Variants in KATNAL1 observed in about 807,000 individuals in gnomAD.
KATNAL1 encodes the protein katanin catalytic subunit A1 like 1.
In KATNAL1, 32 loss-of-function variants were observed where a neutral mutation model predicts 55.2. That is an observed-to-expected ratio of 0.58 (90% CI 0.44 to 0.78). The LOEUF (loss-of-function observed/expected upper bound fraction) is 0.78, where lower values mean the gene tolerates loss of function less well. Among genes scored for constraint, KATNAL1 ranks in the 30% least tolerant of loss-of-function variants. KATNAL1 has a pLI of 0.00. For synonymous variants in KATNAL1, 193 were observed against 193.6 expected, an observed-to-expected ratio of 1.00 and a Z score of 0.02; for missense variants, 466 against 600.9, an observed-to-expected ratio of 0.78 and a Z score of 2.35.
At chr13:30,249,621 G>A (rs1176104853) in intron 4 of KATNAL1, among the ~76,000 whole-genome samples, 3 of 152,036 alleles carry the variant, frequency 2.0e-5, no homozygotes, top group African/African-American at 7.3e-5. Flanking sequence ...AACAAAAAAA[G>A]CTGGACACAA....
intron 8 of KATNAL1, 101 bp from the exon 9 acceptor site, chr13:30,227,647 A>G (rs1875642738): frequency 2.3e-6 from 3 of 1,311,420 alleles, no homozygotes; most frequent in Non-Finnish European, 2.1e-6. Context: ...AATCAACGAT[A>G]AAGAAAGTGC....
chr13:30,265,770 G>T (rs930462690), intron 3 of KATNAL1, among the ~76,000 whole-genome samples: 2 of 150,630 alleles, frequency 1.3e-5, no homozygotes, highest in Non-Finnish European at 3.0e-5. Flanking sequence ...CAGCACTTTG[G>T]GAGGCTGAGG....
chr13:30,286,936 T>G (rs1881826744), intron 1 of KATNAL1, among the ~76,000 whole-genome samples: 1 of 152,208 alleles, frequency 6.6e-6, no homozygotes, highest in Admixed American at 6.5e-5. Flanking sequence ...CCGATTGGAT[T>G]TCAGAACTGC....
At chr13:30,210,490 AAT>A in intron 9 of KATNAL1, 48 bp from the exon 10 acceptor site, 1 of 1,551,696 alleles carries the variant, frequency 6.4e-7, no homozygotes, top group South Asian at 1.2e-5. Flanking sequence ...CTTTACAAAT[AAT>A]TTTGCTGAGA....
At chr13:30,213,723 A>G (rs1873924840) in intron 9 of KATNAL1, among the ~76,000 whole-genome samples, 1 of 152,032 alleles carries the variant, frequency 6.6e-6, no homozygotes, top group Non-Finnish European at 1.5e-5. Context: ...AAATTCAACA[A>G]CCCTTCATGC....
intron 6 of KATNAL1, among the ~76,000 whole-genome samples, chr13:30,235,035 T>C (rs1040314579): frequency 8.5e-5 from 13 of 152,180 alleles, no homozygotes; most frequent in Admixed American, 6.5e-4. Flanking sequence ...AGCCATGTGG[T>C]ATCAACTCAA....
chr13:30,267,849 C>T (rs940878209), intron 3 of KATNAL1, among the ~76,000 whole-genome samples: 2 of 152,202 alleles, frequency 1.3e-5, no homozygotes, highest in Non-Finnish European at 2.9e-5. Context: ...CTCAGACATC[C>T]GAGGGCTGGA....
chr13:30,210,739 A>G (rs1411928781), intron 9 of KATNAL1: 1 of 201,782 alleles, frequency 5.0e-6, no homozygotes, highest in Non-Finnish European at 9.8e-6. Context: ...AGAATCTGAG[A>G]TTCTTCATGA....
chr13:30,252,176 A>G (rs555846904), intron 4 of KATNAL1, among the ~76,000 whole-genome samples: 1 of 152,322 alleles, frequency 6.6e-6, no homozygotes, highest in East Asian at 1.9e-4. Context: ...CAATTTCTCT[A>G]CACATAAAAC....
At chr13:30,255,406 T>G (rs772297772) in intron 4 of KATNAL1, 41 bp downstream of exon 4, 1 of 1,404,598 alleles carries the variant, frequency 7.1e-7, no homozygotes, top group Non-Finnish European at 9.4e-7. Context: ...CCAAAAGTCC[T>G]GGGCTTCAAG....
rs1394200213 is a variant in KATNAL1 at position 30,283,662 on chromosome 13, T to C, written c.116A>G (p.His39Arg). Residue 39 changes from histidine to arginine, a missense_variant, in exon 2 of 11, where the codon CAT (histidine) becomes CGT (arginine). Physicochemically the swap from His to Arg is conservative, Grantham distance 29 (BLOSUM62 0). Around this residue, in one of 3 missense-constraint regions of KATNAL1, gnomAD observed 248 missense variants for 275.5 expected, o/e 0.90. Transcript: ENST00000380615. ...YQGVMQQIQR[H>R]CQSVRDPAIK... ...AGCTGGATCTCTGACTGACTGGCAA[T>C]GTCTCTGAATCTGCTGCATCACCCC... is the stretch of plus-strand genomic sequence containing the variant. 6.2e-7 allele frequency: 1 copy of C among 1,613,914 alleles called. No homozygotes were observed. Among genetic ancestry groups the C allele is most frequent in the Non-Finnish European group, 8.5e-7 (1 of 1,179,970 alleles).
chr13:30,291,170 A>G (rs536764415), intron 1 of KATNAL1, among the ~76,000 whole-genome samples: 15 of 152,388 alleles, frequency 9.8e-5, no homozygotes, highest in African/African-American at 2.9e-4. Flanking sequence ...TACAGAAAAC[A>G]TGATTGTCAG....
At chr13:30,279,616 A>G (rs1355422928) in intron 3 of KATNAL1, among the ~76,000 whole-genome samples, 1 of 152,234 alleles carries the variant, frequency 6.6e-6, no homozygotes, top group Non-Finnish European at 1.5e-5. Flanking sequence ...CCTTTAAGTA[A>G]TAAGCCTCTT....
At chr13:30,296,644 G>T in intron 1 of KATNAL1, 1 of 687,176 alleles carries the variant, frequency 1.5e-6, no homozygotes, top group South Asian at 1.4e-5. Flanking sequence ...GACGAGCACA[G>T]GGAAGTTTGT....
intron 3 of KATNAL1, among the ~76,000 whole-genome samples, chr13:30,279,709 T>G (rs1881129047): frequency 6.6e-6 from 1 of 152,192 alleles, no homozygotes; most frequent in African/African-American, 2.4e-5. Context: ...ATTTCTCCAC[T>G]ACTTCATTTG....
chr13:30,250,303 T>TA (rs1363415359), intron 4 of KATNAL1, among the ~76,000 whole-genome samples: 27 of 152,342 alleles, frequency 1.8e-4, no homozygotes, highest in African/African-American at 6.3e-4. Flanking sequence ...GTAAATAGCA[T>TA]AAAAAATCTG....
At position 30,280,091 on chromosome 13, in the gene KATNAL1, A is replaced by G; in HGVS notation, c.295T>C (p.Trp99Arg). The part of the protein sequence containing the change: ...QDEPFRDPAV[W>R]PPPVPAEHRA... Reference sequence around the variant, plus strand: ...TGTTCTGCAGGAACAGGGGGTGGCCAAACAGCAGGATCTCTAAATGGTTCA... The same window carrying G: ...TGTTCTGCAGGAACAGGGGGTGGCCGAACAGCAGGATCTCTAAATGGTTCA... The change falls in exon 3 of 11, where the codon TGG (tryptophan) becomes CGG (arginine). Residue 99 changes from tryptophan (W) to arginine (R), a missense_variant. Transcript: ENST00000380615. The G allele has an allele frequency of 1.2e-6, 2 of 1,612,556 alleles. No homozygotes were observed. Among genetic ancestry groups the G allele is most frequent in the Non-Finnish European group, 1.7e-6 (2 of 1,179,474 alleles).
chr13:30,215,357 G>C (rs1195035822), intron 9 of KATNAL1, among the ~76,000 whole-genome samples: 1 of 152,214 alleles, frequency 6.6e-6, no homozygotes, highest in Non-Finnish European at 1.5e-5. Flanking sequence ...CATTGTGGAA[G>C]TCAGTGTGGT....
At chr13:30,216,948 C>T (rs1032497583) in intron 9 of KATNAL1, among the ~76,000 whole-genome samples, 1 of 152,148 alleles carries the variant, frequency 6.6e-6, no homozygotes, top group Admixed American at 6.5e-5. Flanking sequence ...ATATATTCTC[C>T]CACTGAAACA....
Sources: allele counts gnomAD v4.1 joint callset (sites outside exome capture counted in the v4.1 genomes callset), GRCh38; gene constraint gnomAD v4.1.1; regional missense constraint gnomAD v4.1.1; transcripts MANE v1.5; gene names NCBI Gene and HGNC (gene_info 2026-07-23, HGNC 2026-07-21).